Variants in ADCY2 observed in about 807,000 individuals in gnomAD.
The protein encoded by ADCY2 is adenylate cyclase type 2.
Under a neutral mutation model 125.2 loss-of-function variants are expected in ADCY2, and 31 were observed. That is an observed-to-expected ratio of 0.25 (90% CI 0.19 to 0.33). ADCY2 has a LOEUF of 0.33. Ranked by LOEUF, ADCY2 falls within the 10% of genes least tolerant of loss-of-function variation. ADCY2 has a pLI of 1.00. For synonymous variants in ADCY2, 512 were observed against 548.4 expected, an observed-to-expected ratio of 0.93 and a Z score of 0.93; for missense variants, 904 against 1,418.2, an observed-to-expected ratio of 0.64 and a Z score of 5.82.
Position 7,684,697 on chromosome 5 carries a change from G to A in ADCY2, c.721-5994G>A, listed in dbSNP as rs1028986716. Among the ~76,000 whole-genome samples the A allele has an allele frequency of 3.3e-5, 5 of 151,408 alleles. No homozygotes were observed. The South Asian group carries it at 6.3e-4, about 19-fold the overall frequency. ...AGAGCTGGCTGTGAAGCTGGAAGACGAGTTCCATCCAGTCTCAACTCGCAG... is the reference window on the plus strand; with the variant it reads ...AGAGCTGGCTGTGAAGCTGGAAGACAAGTTCCATCCAGTCTCAACTCGCAG... On this transcript the variant is annotated intron_variant, in intron 4 of 24. Transcript: ENST00000338316.
chr5:7,427,677 A>G (rs1167666164), intron 2 of ADCY2, among the ~76,000 whole-genome samples: 7 of 152,172 alleles, frequency 4.6e-5, no homozygotes. Context: ...TACATCTACA[A>G]TGATCTTATT....
intron 22 of ADCY2, among the ~76,000 whole-genome samples, chr5:7,808,781 C>T (rs1330356883): frequency 6.6e-6 from 1 of 152,184 alleles, no homozygotes; most frequent in Non-Finnish European, 1.5e-5. Flanking sequence ...CATCGCTGCT[C>T]CCAGCCCTTT....
At chr5:7,710,337 G>A (rs910911080) in intron 10 of ADCY2, among the ~76,000 whole-genome samples, 6 of 152,166 alleles carry the variant, frequency 3.9e-5, no homozygotes, top group African/African-American at 7.2e-5. Flanking sequence ...CAGACAATCC[G>A]TAAGATTGCA....
intron 3 of ADCY2, among the ~76,000 whole-genome samples, chr5:7,617,497 T>A (rs1561127527): frequency 2.0e-5 from 3 of 152,152 alleles, no homozygotes. Context: ...GTAGTAGTCA[T>A]AATCATAGCA....
intron 5 of ADCY2, 125 bp downstream of exon 5, chr5:7,690,964 T>C: frequency 8.7e-7 from 1 of 1,155,934 alleles, no homozygotes; most frequent in Non-Finnish European, 1.2e-6. Flanking sequence ...GCAGGGGAAA[T>C]AATCACACAG....
At chr5:7,455,760 A>G (rs994900772) in intron 2 of ADCY2, among the ~76,000 whole-genome samples, 4 of 145,496 alleles carry the variant, frequency 2.7e-5, no homozygotes, top group Non-Finnish European at 6.0e-5. Flanking sequence ...ATATAAAAAT[A>G]TATACATATA....
At chr5:7,727,141 A>T in intron 13 of ADCY2, 23 bp from the exon 14 acceptor site, 1 of 1,581,720 alleles carries the variant, frequency 6.3e-7, no homozygotes, top group East Asian at 2.2e-5. Flanking sequence ...ACTGTCACTC[A>T]CAGGTTCCTT....
Position 7,829,704 on chromosome 5 carries a change from G to A in ADCY2, c.*2833G>A, listed in dbSNP as rs1184249346. ...CTAAGTTTTGTCATCAATCCAGGATGTTATTCTTCCTTCCCAACTCACTGT... is the reference window on the plus strand; with the variant it reads ...CTAAGTTTTGTCATCAATCCAGGATATTATTCTTCCTTCCCAACTCACTGT... On this transcript the variant is annotated 3_prime_UTR_variant, in exon 25 of 25. Coordinates refer to ENST00000338316, the MANE Select transcript of ADCY2 (RefSeq NM_020546.3). The A allele has an allele frequency of 6.6e-6, 1 of 152,378 alleles. No individual in the cohort carries two copies. The highest frequency in any genetic ancestry group is 1.9e-4 in the East Asian group (1 of 5,336). The allele number at this position is 152,378 out of a possible 1,614,324, so 9.4% of individuals were successfully genotyped here.
intron 12 of ADCY2, among the ~76,000 whole-genome samples, chr5:7,719,859 A>G (rs1313754313): frequency 6.6e-6 from 1 of 152,208 alleles, no homozygotes; most frequent in Non-Finnish European, 1.5e-5. Flanking sequence ...GTTCATAACA[A>G]TAAGAAAGTG....
rs1743243500 is a variant in ADCY2 at position 7,762,165 on chromosome 5, G to A, written c.2095-4522G>A. ...GCTCAAGCACTGAATTCCTCCAAGA[G>A]TGCAGAAAAATACCATTTGTGTTGA... On this transcript the variant is annotated intron_variant, in intron 16 of 24. Coordinates refer to ENST00000338316, the MANE Select transcript of ADCY2 (RefSeq NM_020546.3). Among the ~76,000 whole-genome samples, 4 of 152,208 alleles carry A rather than the reference G, an allele frequency of 2.6e-5. No homozygotes were observed. In the South Asian group the frequency reaches 8.3e-4, roughly 31 times the overall value.
At chr5:7,593,986 A>G (rs1465836710) in intron 3 of ADCY2, among the ~76,000 whole-genome samples, 1 of 152,216 alleles carries the variant, frequency 6.6e-6, no homozygotes, top group East Asian at 1.9e-4. Context: ...TGTACAGTAC[A>G]AGAAAAAGCA....
At chr5:7,652,487 A>C (rs1162637708) in intron 4 of ADCY2, among the ~76,000 whole-genome samples, 1 of 152,224 alleles carries the variant, frequency 6.6e-6, no homozygotes, top group African/African-American at 2.4e-5. Context: ...GCAGAGAACT[A>C]TCCCTTTCAT....
intron 2 of ADCY2, among the ~76,000 whole-genome samples, chr5:7,463,871 A>G (rs756454059): frequency 3.9e-4 from 59 of 152,204 alleles, no homozygotes; most frequent in Non-Finnish European, 7.3e-4. Context: ...AGTAACAGCA[A>G]CAGCCAAGCT....
At position 7,802,464 on chromosome 5, in the gene ADCY2, T is replaced by G. The variant is rs896723166; in HGVS notation, c.2775+100T>G. The G allele has an allele frequency of 7.3e-7, 1 of 1,370,148 alleles. No individual in the cohort carries two copies. Among genetic ancestry groups the G allele is most frequent in the South Asian group, 1.5e-5 (1 of 65,626 alleles). The allele number at this position is 1,370,148 out of a possible 1,614,324, so 84.9% of individuals were successfully genotyped here. ...GATAGTGGCCTATCCCAAAAAAACT[T>G]GTCCTTTGGCATAATTTCTGGCAGA... On this transcript the variant is annotated intron_variant, in intron 21 of 24. Transcript: ENST00000338316. This position sits in a 1 kb window ranked among gnomAD's most constrained non-coding sequence, Gnocchi z 4.6.
chr5:7,708,329 T>G (rs1160445484), intron 9 of ADCY2, among the ~76,000 whole-genome samples: 2 of 152,336 alleles, frequency 1.3e-5, no homozygotes, highest in East Asian at 3.9e-4. Flanking sequence ...ATTGTCTGTA[T>G]GCACAAGCAT....
intron 14 of ADCY2, among the ~76,000 whole-genome samples, chr5:7,732,668 T>C (rs1049507548): frequency 1.3e-5 from 2 of 151,788 alleles, no homozygotes; most frequent in Admixed American, 1.3e-4. Context: ...ATACTTTTGC[T>C]TTGTTTCATT....
intron 3 of ADCY2, among the ~76,000 whole-genome samples, chr5:7,531,133 A>G (rs115203629): frequency 0.016 from 2,468 of 152,288 alleles, 87 homozygotes; most frequent in African/African-American, 0.056. Context: ...CAGTTCCTCA[A>G]ATCACTCCTT....
intron 4 of ADCY2, among the ~76,000 whole-genome samples, chr5:7,680,486 GTTCAAATTC>G (rs1740292706): frequency 6.6e-6 from 1 of 152,186 alleles, no homozygotes; most frequent in Non-Finnish European, 1.5e-5. Flanking sequence ...ATCTGAAGGG[GTTCAAATTC>G]TTTAAACATG....
chr5:7,623,509 G>T (rs1738024754), intron 3 of ADCY2, among the ~76,000 whole-genome samples: 1 of 152,308 alleles, frequency 6.6e-6, no homozygotes, highest in African/African-American at 2.4e-5. Context: ...ATTGGACACG[G>T]TGCTGAAATC....
Sources: gnomAD v4.1 joint callset for allele counts (sites outside exome capture counted in the v4.1 genomes callset) on GRCh38, gnomAD v4.1.1 for gene constraint, Gnocchi (gnomAD v3.1) non-coding constraint, MANE v1.5 for transcripts, NCBI Gene and HGNC (gene_info 2026-07-23, HGNC 2026-07-21) for gene names.